Variants in RPSA2 observed in about 807,000 individuals in gnomAD.
The protein encoded by RPSA2 is ribosomal protein SA 2, also known as small ribosomal subunit protein uS2B.
the RPSA2 span, among the ~76,000 whole-genome samples, chr19:23,831,300 G>T: frequency 6.6e-5 from 10 of 152,144 alleles, no homozygotes; most frequent in Admixed American, 3.3e-4. Flanking sequence ...ACTTCTGAAG[G>T]TACTACGTTA....
At chr19:23,857,705 C>T in the RPSA2 span, among the ~76,000 whole-genome samples, 2 of 151,686 alleles carry the variant, frequency 1.3e-5, no homozygotes, top group Non-Finnish European at 2.9e-5. Context: ...CCATATTGGT[C>T]AGGCTGGTCT....
At chr19:23,806,770 G>T in the RPSA2 span, among the ~76,000 whole-genome samples, 2 of 130,968 alleles carry the variant, frequency 1.5e-5, no homozygotes, top group Non-Finnish European at 3.1e-5. Flanking sequence ...GGGTGACAGA[G>T]CGAGACTGAG....
At chr19:23,806,655 C>T in the RPSA2 span, among the ~76,000 whole-genome samples, 3 of 151,750 alleles carry the variant, frequency 2.0e-5, no homozygotes, top group East Asian at 2.0e-4. Context: ...CATGGTGGCA[C>T]GTGCTAGTAG....
chr19:23,832,918 C>G, the RPSA2 span: 1 of 1,539,424 alleles, frequency 6.5e-7, no homozygotes, highest in Non-Finnish European at 8.8e-7. Context: ...ATCTTTTAAC[C>G]TGTCTTCAAG....
chr19:23,775,108 C>T, the RPSA2 span, among the ~76,000 whole-genome samples: 19 of 152,330 alleles, frequency 1.2e-4, 1 homozygote, highest in South Asian at 3.9e-3. Flanking sequence ...TACACTCTCA[C>T]ATATTGTATG....
At chr19:23,860,323 T>A in the RPSA2 span, among the ~76,000 whole-genome samples, 1 of 152,222 alleles carries the variant, frequency 6.6e-6, no homozygotes, top group Admixed American at 6.5e-5. Context: ...ATAAGCCTCA[T>A]ATTTTTCTAC....
At chr19:23,762,181 G>A in the RPSA2 span, among the ~76,000 whole-genome samples, 1 of 150,410 alleles carries the variant, frequency 6.6e-6, no homozygotes, top group Admixed American at 6.6e-5. Flanking sequence ...CTCCCAAAGT[G>A]CCGGGATTAC....
chr19:23,760,733 C>T, the RPSA2 span, among the ~76,000 whole-genome samples: 7 of 149,346 alleles, frequency 4.7e-5, no homozygotes, highest in East Asian at 5.9e-4. Flanking sequence ...GGTGCAGTCT[C>T]GGCTCACTGC....
the RPSA2 span, among the ~76,000 whole-genome samples, chr19:23,784,702 C>CTCCCACACAAACATA: frequency 6.6e-6 from 1 of 152,188 alleles, no homozygotes; most frequent in African/African-American, 2.4e-5. Context: ...GACTGTCATT[C>CTCCCACACAAACATA]TCCCACACAA....
the RPSA2 span, among the ~76,000 whole-genome samples, chr19:23,774,308 T>C: frequency 1.3e-5 from 2 of 152,212 alleles, no homozygotes; most frequent in South Asian, 2.1e-4. Flanking sequence ...CAAGGAGCAT[T>C]GTGACATATA....
the RPSA2 span, chr19:23,833,071 G>T: frequency 7.6e-7 from 1 of 1,318,514 alleles, no homozygotes; most frequent in South Asian, 1.4e-5. Flanking sequence ...TGAAGAATGT[G>T]GCAAATCTTT....
At chr19:23,761,924 T>C in the RPSA2 span, among the ~76,000 whole-genome samples, 1,419 of 47,878 alleles carry the variant, frequency 0.03, 32 homozygotes, top group East Asian at 0.081. Flanking sequence ...TTCTTTCTTT[T>C]TTTTTTTTTT....
At chr19:23,792,119 A>G in the RPSA2 span, among the ~76,000 whole-genome samples, 1 of 152,236 alleles carries the variant, frequency 6.6e-6, no homozygotes, top group Non-Finnish European at 1.5e-5. Flanking sequence ...ATAAAATGTA[A>G]GCACCTTAAA....
the RPSA2 span, among the ~76,000 whole-genome samples, chr19:23,812,297 GAT>G: frequency 6.6e-6 from 1 of 151,522 alleles, no homozygotes; most frequent in East Asian, 1.9e-4. Context: ...ATCACAATCA[GAT>G]ATGTGTGTGT....
the RPSA2 span, among the ~76,000 whole-genome samples, chr19:23,863,867 A>T: frequency 6.6e-6 from 1 of 152,230 alleles, no homozygotes; most frequent in African/African-American, 2.4e-5. Context: ...ATACAAAACA[A>T]ACACATGACC....
At chr19:23,799,868 T>A in the RPSA2 span, among the ~76,000 whole-genome samples, 1 of 152,228 alleles carries the variant, frequency 6.6e-6, no homozygotes, top group South Asian at 2.1e-4. Context: ...AATGTCCAGG[T>A]GAATTTAGGA....
the RPSA2 span, among the ~76,000 whole-genome samples, chr19:23,799,821 T>G: frequency 6.6e-6 from 1 of 152,226 alleles, no homozygotes; most frequent in Non-Finnish European, 1.5e-5. Flanking sequence ...ATTTTGTCAT[T>G]GAATATAACC....
chr19:23,763,929 T>A, the RPSA2 span, among the ~76,000 whole-genome samples: 1 of 152,130 alleles, frequency 6.6e-6, no homozygotes, highest in Non-Finnish European at 1.5e-5. Flanking sequence ...GCAAACCAAA[T>A]GCAAGAATTG....
At chr19:23,805,569 AC>A in the RPSA2 span, among the ~76,000 whole-genome samples, 110 of 6,642 alleles carry the variant, frequency 0.017, no homozygotes, top group African/African-American at 0.017. Flanking sequence ...TAAGAGATGA[AC>A]ATGTGGTGCT....
Sources: allele counts gnomAD v4.1 joint callset (sites outside exome capture counted in the v4.1 genomes callset), GRCh38; gene constraint gnomAD v4.1.1; transcripts MANE v1.5; gene names NCBI Gene and HGNC (gene_info 2026-07-23, HGNC 2026-07-21).